Variants in CKAP2 observed in about 807,000 individuals in gnomAD.
CKAP2 encodes the protein cytoskeleton associated protein 2.
Under a neutral mutation model 58.4 loss-of-function variants are expected in CKAP2, and 46 were observed. The observed-to-expected ratio is 0.79, with a 90% CI of 0.62 to 1.01. The LOEUF is 1.01. Among genes scored for constraint, CKAP2 ranks in the 50% least tolerant of loss-of-function variants. The pLI is 0.00. For missense variants in CKAP2, 809 were observed against 796.4 expected (o/e 1.02, Z -0.19); for synonymous variants, 293 against 280.9 (o/e 1.04, Z -0.43).
chr13:52,456,226 T>G, intron 1 of CKAP2: 1 of 1,047,518 alleles, frequency 9.5e-7, no homozygotes, highest in East Asian at 5.3e-5. Flanking sequence ...ACCATTTAGT[T>G]TCTTAAAGCT....
chr13:52,462,334 G>A (rs1220972865), intron 4 of CKAP2, 29 bp from the exon 5 acceptor site: 1 of 1,576,806 alleles, frequency 6.3e-7, no homozygotes, highest in Middle Eastern at 1.7e-4. Flanking sequence ...CAATTTCAAA[G>A]TAACGTTTAT....
At chr13:52,474,803 A>C (rs1958805725) in intron 8 of CKAP2, 92 bp from the exon 9 acceptor site, 1 of 1,249,474 alleles carries the variant, frequency 8.0e-7, no homozygotes, top group Non-Finnish European at 1.1e-6. Flanking sequence ...TGCTTATAAC[A>C]TACAAGCTAT....
intron 1 of CKAP2, chr13:52,455,929 T>G: frequency 8.7e-7 from 1 of 1,152,800 alleles, no homozygotes; most frequent in Non-Finnish European, 1.1e-6. Context: ...TCGGAGACCC[T>G]GGGTCCGCTT....
intron 5 of CKAP2, 59 bp from the exon 6 acceptor site, chr13:52,465,236 T>C: frequency 6.9e-7 from 1 of 1,451,344 alleles, no homozygotes; most frequent in Non-Finnish European, 9.5e-7. Context: ...GTAGGCTCAA[T>C]TATTGTTCCC....
In CKAP2 at chr13:52,469,242, T is replaced by C. The variant is rs571466204; in HGVS notation, c.1546+895T>C. On this transcript the variant is annotated intron_variant, in intron 7 of 8. Transcript: ENST00000258607. Reference sequence around the variant, plus strand: ...TTTATGTAGTATAAAGAATTTTTAATTAGGAGATCTGGCTCAATATTTAGA... The same window carrying C: ...TTTATGTAGTATAAAGAATTTTTAACTAGGAGATCTGGCTCAATATTTAGA... Among the ~76,000 whole-genome samples, 14 of 152,366 alleles carry C rather than the reference T, an allele frequency of 9.2e-5. No individual in the cohort carries two copies. The East Asian group carries it at 2.7e-3, about 29-fold the overall frequency.
Position 52,475,759 on chromosome 13 carries a change from CTG to C in CKAP2, c.*620_*621del, listed in dbSNP as rs1420893445. On this transcript the variant is annotated 3_prime_UTR_variant, in exon 9 of 9. Coordinates refer to ENST00000258607, the MANE Select transcript of CKAP2 (RefSeq NM_018204.5). The stretch of plus-strand genomic sequence containing the variant: ...TGCACTGACACTTTTCGTCAGTAGT[CTG>C]TAGTTTCGTGGCCTCTTTTGATTAT... The C allele has an allele frequency of 4.6e-5, 7 of 152,150 alleles. No homozygotes were observed. The highest frequency in any genetic ancestry group is 2.9e-5 in the Non-Finnish European group (2 of 68,036). The allele number at this position is 152,150 out of a possible 1,614,324, so 9.4% of individuals were successfully genotyped here.
chr13:52,470,170 A>C (rs1264236037), intron 7 of CKAP2, among the ~76,000 whole-genome samples: 3 of 151,534 alleles, frequency 2.0e-5, no homozygotes, highest in Non-Finnish European at 4.4e-5. Context: ...CAGTGGCGCA[A>C]TCTCGGCTCA....
chr13:52,472,881 C>G (rs1017095709), intron 7 of CKAP2, among the ~76,000 whole-genome samples: 4 of 152,042 alleles, frequency 2.6e-5, no homozygotes, highest in Admixed American at 1.3e-4. Context: ...CCCATCTCTA[C>G]AAAAAGTAAA....
chr13:52,458,170 A>T (rs932255397), intron 2 of CKAP2, among the ~76,000 whole-genome samples: 1 of 152,184 alleles, frequency 6.6e-6, no homozygotes, highest in Non-Finnish European at 1.5e-5. Flanking sequence ...TTTTTATTTG[A>T]ATAAGTAAAT....
Position 52,456,618 on chromosome 13 carries a change from G to A in CKAP2, c.155+11G>A. ...TGAGATGTTATCCAGGTAAGGTCAA[G>A]TTTATTTCTTTTCACTTCTGTAAAA... On this transcript the variant is annotated intron_variant, in intron 2 of 8. Coordinates refer to ENST00000258607, the MANE Select transcript of CKAP2 (RefSeq NM_018204.5). 5 of 1,595,622 alleles carry A rather than the reference G, an allele frequency of 3.1e-6. No individual in the cohort carries two copies. Among genetic ancestry groups the A allele is most frequent in the Non-Finnish European group, 4.3e-6 (5 of 1,164,952 alleles).
Position 52,474,898 on chromosome 13 carries a change from GA to G in CKAP2, c.1814del (p.Lys605ArgfsTer14), listed in dbSNP as rs752250702. The G allele has an allele frequency of 4.4e-5, 71 of 1,604,644 alleles. No homozygotes were observed. Among genetic ancestry groups the G allele is most frequent in the South Asian group, 6.6e-5 (6 of 90,282 alleles). On this transcript the variant is annotated frameshift_variant, in exon 9 of 9. Coordinates refer to ENST00000258607, the MANE Select transcript of CKAP2 (RefSeq NM_018204.5). LOFTEE classifies it high-confidence loss of function. ...VSTTPYLQSV[K>X]KKVQFDGTNS... is the part of the protein sequence containing the mutation. ...GGAATATTGTTTTAATTTTCAGTGT[GA>G]AAAAAAAGGTGCAGTTTGATGGAAC...
In CKAP2 at chr13:52,461,435, A is replaced by T; in HGVS notation, c.609A>T (p.Ala203=). 1 of 1,614,240 alleles carries T rather than the reference A, an allele frequency of 6.2e-7. No homozygotes were observed. Among genetic ancestry groups the T allele is most frequent in the Non-Finnish European group, 8.5e-7 (1 of 1,180,038 alleles). Residue 203 remains alanine (A), a synonymous_variant, in exon 4 of 9, where the codon GCA becomes GCT. Transcript: ENST00000258607. ...PLQVKDESSA[A]TKKLSATIPK... is the part of the protein sequence containing the mutation. ...AAGTCAAAGATGAGAGTTCTGCAGCAACAAAGAAACTTTCAGCCACTATAC... is the reference window on the plus strand; with the variant it reads ...AAGTCAAAGATGAGAGTTCTGCAGCTACAAAGAAACTTTCAGCCACTATAC...
chr13:52,458,530 C>T (rs1332803632), intron 2 of CKAP2, among the ~76,000 whole-genome samples: 2 of 152,142 alleles, frequency 1.3e-5, no homozygotes, highest in African/African-American at 2.4e-5. Flanking sequence ...AATTCTAAAA[C>T]GCTTCATGTG....
chr13:52,469,585 A>ATTTTT (rs768281163), intron 7 of CKAP2, among the ~76,000 whole-genome samples: 3 of 144,082 alleles, frequency 2.1e-5, no homozygotes, highest in Admixed American at 6.8e-5. Context: ...ATATTTATTT[A>ATTTTT]TTTATTTATT....
At chr13:52,472,664 G>T (rs557002729) in intron 7 of CKAP2, among the ~76,000 whole-genome samples, 1 of 152,022 alleles carries the variant, frequency 6.6e-6, no homozygotes, top group Admixed American at 6.5e-5. Flanking sequence ...CTCTTCTCTG[G>T]CATTTATGAC....
intron 1 of CKAP2, chr13:52,455,845 G>A (rs9536078): frequency 0.04 from 32,781 of 826,700 alleles, 787 homozygotes; most frequent in Middle Eastern, 0.056. Context: ...GGTCGCTGCT[G>A]GCTGGGATGG....
Position 52,461,638 on chromosome 13 carries a change from T to G in CKAP2, c.812T>G (p.Ile271Ser). 3 of 1,614,044 alleles carry G rather than the reference T, an allele frequency of 1.9e-6. No individual in the cohort carries two copies. The highest frequency in any genetic ancestry group is 2.5e-6 in the Non-Finnish European group (3 of 1,179,952). Residue 271 changes from isoleucine (I) to serine (S), a missense_variant, in exon 4 of 9, where the codon ATC becomes AGC. Physicochemically the swap from Ile to Ser is moderately radical, Grantham distance 142. Around this residue, in one of 3 missense-constraint regions of CKAP2, gnomAD observed 523 missense variants for 492.4 expected, o/e 1.06. Transcript: ENST00000258607. ...ACCCGGGACACTGTGAAACAAGGCA[T>G]CAGTAGAACTTCTGCCAATGTTACA... Reference protein sequence around the residue: ...SNTRDTVKQGISRTSANVTIR... With the variant: ...SNTRDTVKQGSSRTSANVTIR...
chr13:52,469,254 G>A (rs758111665), intron 7 of CKAP2, among the ~76,000 whole-genome samples: 2 of 152,088 alleles, frequency 1.3e-5, no homozygotes, highest in Admixed American at 6.5e-5. Context: ...AGGAGATCTG[G>A]CTCAATATTT....
At position 52,465,251 on chromosome 13, in the gene CKAP2, T is replaced by C. The variant is rs775818323; in HGVS notation, c.1306-44T>C. The stretch of plus-strand genomic sequence containing the variant: ...GTAGGCTCAATTATTGTTCCCACTT[T>C]GTAAGCTAAAAAATATTACACACAT... On this transcript the variant is annotated intron_variant, in intron 5 of 8. Transcript: ENST00000258607. 5 of 1,540,438 alleles carry C rather than the reference T, an allele frequency of 3.2e-6. No individual in the cohort carries two copies. In the East Asian group the frequency reaches 6.8e-5, roughly 21 times the overall value.
Sources: allele counts gnomAD v4.1 joint callset (sites outside exome capture counted in the v4.1 genomes callset), GRCh38; gene constraint gnomAD v4.1.1; regional missense constraint gnomAD v4.1.1; transcripts MANE v1.5; gene names NCBI Gene and HGNC (gene_info 2026-07-23, HGNC 2026-07-21).